Variants in COP1 observed in about 807,000 individuals in gnomAD.
The protein encoded by COP1 is E3 ubiquitin-protein ligase COP1.
COP1 carries 24 observed loss-of-function variants against 101.3 expected under a neutral mutation model. The ratio of observed to expected loss-of-function variants is 0.24; its 90% CI spans 0.17 to 0.33. The LOEUF (loss-of-function observed/expected upper bound fraction) is 0.33. Ranked by LOEUF, COP1 falls within the 10% of genes least tolerant of loss-of-function variation. COP1 has a pLI of 1.00. For missense variants in COP1, 663 were observed against 906.2 expected (o/e 0.73, Z 3.45); for synonymous variants, 347 against 341.9 (o/e 1.01, Z -0.17).
At chr1:176,127,940 G>T (rs1688291299) in intron 8 of COP1, among the ~76,000 whole-genome samples, 1 of 152,012 alleles carries the variant, frequency 6.6e-6, no homozygotes. Context: ...TCTAAGAAAT[G>T]TGAGGTGATG....
chr1:175,982,371 T>C (rs1161808257), intron 18 of COP1: 3 of 456,632 alleles, frequency 6.6e-6, no homozygotes, highest in East Asian at 6.9e-5. Context: ...GAACCACTTA[T>C]ATGCAAATTT....
At chr1:176,079,983 C>A (rs763580820) in intron 11 of COP1, among the ~76,000 whole-genome samples, 1 of 151,560 alleles carries the variant, frequency 6.6e-6, no homozygotes. Context: ...CATAATGAGA[C>A]CCTGTCTCTT....
At chr1:176,132,505 A>ATG (rs923291796) in intron 8 of COP1, among the ~76,000 whole-genome samples, 7 of 150,758 alleles carry the variant, frequency 4.6e-5, no homozygotes, top group Middle Eastern at 3.5e-3. Context: ...GGGGGTATGT[A>ATG]TGTGTGTGTG....
At position 176,029,632 on chromosome 1, in the gene COP1, A is replaced by C. The variant is rs185075562; in HGVS notation, c.1613-1944T>G. 1.7e-3 allele frequency among the ~76,000 whole-genome samples: 257 copies of C among 152,298 alleles called. 1 individual carries two copies. Among genetic ancestry groups the C allele is most frequent in the African/African-American group, 5.9e-3 (246 of 41,570 alleles). On this transcript the variant is annotated intron_variant, in intron 14 of 19. Transcript: ENST00000367669. ...GAGGGTCCAGGTACTGTTGTTTTTT[A>C]AAAAAGCTCTCCAGGTGATTCTAAC...
chr1:176,109,244 G>A (rs573502710), intron 9 of COP1, among the ~76,000 whole-genome samples: 3 of 152,018 alleles, frequency 2.0e-5, no homozygotes, highest in Non-Finnish European at 2.9e-5. Flanking sequence ...CTTATATGTA[G>A]GGTAGACTTC....
Position 176,175,968 on chromosome 1 carries a change from T to C in COP1, c.507A>G (p.Arg169=). The C allele has an allele frequency of 6.3e-7, 1 of 1,591,316 alleles. No homozygotes were observed. The highest frequency in any genetic ancestry group is 8.6e-7 in the Non-Finnish European group (1 of 1,161,672). ...CIHQSLEDNN[R]CPKCNYVVDN... is the part of the protein sequence containing the mutation. ...CCACAACATAGTTACACTTGGGACATCTATTATTGTCCTCCAAACTCTGAT... is the reference window on the plus strand; with the variant it reads ...CCACAACATAGTTACACTTGGGACACCTATTATTGTCCTCCAAACTCTGAT... Residue 169 remains arginine, a synonymous_variant, in exon 3 of 20, where the codon AGA becomes AGG. Transcript: ENST00000367669.
At chr1:176,103,699 T>A (rs1260835104) in intron 9 of COP1, among the ~76,000 whole-genome samples, 2 of 152,230 alleles carry the variant, frequency 1.3e-5, no homozygotes, top group Admixed American at 1.3e-4. Context: ...TAACTGCATG[T>A]AAATCTATAA....
intron 14 of COP1, among the ~76,000 whole-genome samples, chr1:176,033,289 G>A (rs535745769): frequency 6.6e-6 from 1 of 151,952 alleles, no homozygotes; most frequent in Non-Finnish European, 1.5e-5. Flanking sequence ...GGGCGAGGGT[G>A]GGGGGAACAT....
chr1:176,050,965 A>T (rs1164103674), intron 11 of COP1, among the ~76,000 whole-genome samples: 1 of 152,232 alleles, frequency 6.6e-6, no homozygotes, highest in African/African-American at 2.4e-5. Flanking sequence ...CAGGCAAAAT[A>T]AGAATAATAA....
At chr1:176,001,900 T>G (rs548539982) in intron 15 of COP1, among the ~76,000 whole-genome samples, 34 of 152,148 alleles carry the variant, frequency 2.2e-4, no homozygotes, top group Non-Finnish European at 4.1e-4. Flanking sequence ...CTTTCAATAC[T>G]TTAAACATAT....
chr1:175,966,087 T>C (rs1016999724), intron 18 of COP1, among the ~76,000 whole-genome samples: 1 of 152,218 alleles, frequency 6.6e-6, no homozygotes, highest in Non-Finnish European at 1.5e-5. Context: ...CTGACTTTTC[T>C]TTCAGTATGT....
At chr1:176,008,206 G>A (rs371545851) in intron 15 of COP1, among the ~76,000 whole-genome samples, 1 of 152,088 alleles carries the variant, frequency 6.6e-6, no homozygotes, top group African/African-American at 2.4e-5. Flanking sequence ...ATCAGCTCGC[G>A]CACGGTGCAC....
chr1:176,188,779 CT>C (rs372632677), intron 1 of COP1, among the ~76,000 whole-genome samples: 1 of 151,878 alleles, frequency 6.6e-6, no homozygotes, highest in Non-Finnish European at 1.5e-5. Context: ...TATTTCCCCC[CT>C]CTCTTCCTCT....
intron 8 of COP1, chr1:176,133,781 G>A (rs962228603): frequency 7.0e-6 from 3 of 431,332 alleles, no homozygotes; most frequent in Non-Finnish European, 1.4e-5. Flanking sequence ...AAAAGACAAT[G>A]GGAATGAATC....
chr1:176,020,195 T>C (rs1666505177), intron 15 of COP1, among the ~76,000 whole-genome samples: 1 of 149,500 alleles, frequency 6.7e-6, no homozygotes, highest in African/African-American at 2.5e-5. Flanking sequence ...CCTGTATTTG[T>C]AGGTACTCAG....
chr1:176,049,841 A>G (rs1373155560), intron 11 of COP1, among the ~76,000 whole-genome samples: 4 of 152,224 alleles, frequency 2.6e-5, no homozygotes, highest in African/African-American at 4.8e-5. Flanking sequence ...AACTACTTTT[A>G]TTATGAAATC....
intron 2 of COP1, among the ~76,000 whole-genome samples, chr1:176,179,057 C>T (rs1042679280): frequency 3.3e-5 from 5 of 150,846 alleles, no homozygotes; most frequent in African/African-American, 1.2e-4. Flanking sequence ...TGGGAGGCCA[C>T]GGTGGGTGGA....
intron 4 of COP1, among the ~76,000 whole-genome samples, chr1:176,163,447 T>C (rs1312651100): frequency 6.6e-6 from 1 of 152,230 alleles, no homozygotes; most frequent in African/African-American, 2.4e-5. Context: ...TCTCAAATTC[T>C]TGGGCTTGAG....
chr1:176,010,885 A>G (rs1664541069), intron 15 of COP1, among the ~76,000 whole-genome samples: 1 of 152,228 alleles, frequency 6.6e-6, no homozygotes, highest in Non-Finnish European at 1.5e-5. Flanking sequence ...TGACAAGGTG[A>G]TATCAAAAAT....
Sources: gnomAD v4.1 joint callset for allele counts (sites outside exome capture counted in the v4.1 genomes callset) on GRCh38, gnomAD v4.1.1 for gene constraint, MANE v1.5 for transcripts, NCBI Gene and HGNC (gene_info 2026-07-23, HGNC 2026-07-21) for gene names.